The following JAKMIP1 variants were observed in gnomAD, a reference collection of about 807,000 sequenced individuals.
JAKMIP1 encodes the protein janus kinase and microtubule interacting protein 1.
In JAKMIP1, 33 loss-of-function variants were observed where a neutral mutation model predicts 113.0. The observed-to-expected ratio is 0.29, with a 90% confidence interval of 0.22 to 0.39. JAKMIP1 has a LOEUF of 0.39. Ranked by LOEUF, JAKMIP1 falls within the 10% of genes least tolerant of loss-of-function variation. The probability of loss-of-function intolerance (pLI) is 1.00; values close to 1 mark genes in which losing one functional copy is unlikely to be tolerated. For missense variants in JAKMIP1, 813 were observed against 1,080.5 expected (o/e 0.75, Z 3.47); for synonymous variants, 480 against 459.9 (o/e 1.04, Z -0.56).
chr4:6,147,654 C>G (rs1319808412), intron 1 of JAKMIP1, among the ~76,000 whole-genome samples: 1 of 152,008 alleles, frequency 6.6e-6, no homozygotes, highest in East Asian at 1.9e-4. Context: ...CCTCTGAACA[C>G]TCACTCTCCC....
In JAKMIP1 at chr4:6,042,882, G is replaced by T. The variant is rs972401580; in HGVS notation, c.2029-655C>A. On this transcript the variant is annotated intron_variant, in intron 16 of 20. Coordinates refer to ENST00000409021, the MANE Select transcript of JAKMIP1 (RefSeq NM_001099433.2). The surrounding 1 kb of genome is among the most constrained non-coding windows in gnomAD (Gnocchi z 5.2). Reference sequence around the variant, plus strand: ...TGCCAGGACATGAGGGCGCAGGCACGGAGAGTACGGGGTGAACAGGCGGGG... The same window carrying T: ...TGCCAGGACATGAGGGCGCAGGCACTGAGAGTACGGGGTGAACAGGCGGGG... 6.6e-6 allele frequency among the ~76,000 whole-genome samples: 1 copy of T among 152,166 alleles called. No homozygotes were observed. Among genetic ancestry groups the T allele is most frequent in the East Asian group, 1.9e-4 (1 of 5,144 alleles).
At position 6,178,161 on chromosome 4, in the gene JAKMIP1, T is replaced by C. The variant is rs1725589413; in HGVS notation, c.-148+22092A>G. Among the ~76,000 whole-genome samples, 1 of 152,236 alleles carries C rather than the reference T, an allele frequency of 6.6e-6. No individual in the cohort carries two copies. Among genetic ancestry groups the C allele is most frequent in the African/African-American group, 2.4e-5 (1 of 41,462 alleles). Reference sequence around the variant, plus strand: ...GAAACAGAAGCCCAAGGCTTTGATATATTTAGCTTTGTCCCCCATGGGTAT... The same window carrying C: ...GAAACAGAAGCCCAAGGCTTTGATACATTTAGCTTTGTCCCCCATGGGTAT... On this transcript the variant is annotated intron_variant, in intron 1 of 20. Coordinates refer to ENST00000409021, the MANE Select transcript of JAKMIP1 (RefSeq NM_001099433.2). The surrounding 1 kb of genome is among the most constrained non-coding windows in gnomAD (Gnocchi z 5.5).
chr4:6,049,568 G>T lies in JAKMIP1; in HGVS notation c.1962+251C>A, dbSNP rs1223228828. ...TCGTGTGACTCCACCTGCATTCTGG[G>T]TAGGGATTCTGAGGCTTTCCCGTCC... On this transcript the variant is annotated intron_variant, in intron 15 of 20. Transcript: ENST00000409021. The surrounding 1 kb of genome is among the most constrained non-coding windows in gnomAD (Gnocchi z 7.0). Among the ~76,000 whole-genome samples the T allele has an allele frequency of 6.6e-6, 1 of 151,824 alleles. No individual in the cohort carries two copies. Among genetic ancestry groups the T allele is most frequent in the African/African-American group, 2.4e-5 (1 of 41,290 alleles).
chr4:6,108,439 G>A lies in JAKMIP1; in HGVS notation c.130-2472C>T, dbSNP rs1324356144. Among the ~76,000 whole-genome samples the A allele has an allele frequency of 1.3e-5, 2 of 152,214 alleles. No homozygotes were observed. Among genetic ancestry groups the A allele is most frequent in the East Asian group, 1.9e-4 (1 of 5,190 alleles). ...CACGGCACAAAGGCCAAGAGAGGGA[G>A]CATGCCCTGGGGGTGTGGGGGCTGG... On this transcript the variant is annotated intron_variant, in intron 2 of 20. Coordinates refer to ENST00000409021, the MANE Select transcript of JAKMIP1 (RefSeq NM_001099433.2). This position sits in a 1 kb window ranked among gnomAD's most constrained non-coding sequence, Gnocchi z 5.6.
intron 1 of JAKMIP1, among the ~76,000 whole-genome samples, chr4:6,163,858 A>T (rs1235274351): frequency 6.6e-6 from 1 of 152,258 alleles, no homozygotes; most frequent in Non-Finnish European, 1.5e-5. Flanking sequence ...CTTAAGCCAA[A>T]GCCTAATTCA....
Position 6,078,920 on chromosome 4 carries a change from T to G in JAKMIP1, c.1302+19A>C, listed in dbSNP as rs774450151. The G allele has an allele frequency of 6.2e-7, 1 of 1,613,960 alleles. No individual in the cohort carries two copies. Among genetic ancestry groups the G allele is most frequent in the Middle Eastern group, 1.6e-4 (1 of 6,062 alleles). ...TGACACAGCGGCAAGGTAGGGCAGG[T>G]GCACCATCGCAGGCTCACCTTGGGC... On this transcript the variant is annotated intron_variant, in intron 8 of 20. Transcript: ENST00000409021.
intron 2 of JAKMIP1, among the ~76,000 whole-genome samples, chr4:6,111,947 A>T (rs1022452719): frequency 1.3e-5 from 2 of 152,234 alleles, no homozygotes; most frequent in Admixed American, 1.3e-4. Context: ...CCTCCTGACC[A>T]TCTGAACGGA....
chr4:6,125,645 A>G (rs1451053131), intron 1 of JAKMIP1, among the ~76,000 whole-genome samples: 4 of 146,464 alleles, frequency 2.7e-5, no homozygotes, highest in African/African-American at 1.0e-4. Flanking sequence ...CACACCATAC[A>G]CACCATGCAG....
At chr4:6,105,298 T>G (rs907607262) in intron 3 of JAKMIP1, among the ~76,000 whole-genome samples, 175 bp downstream of exon 3, 10 of 152,220 alleles carry the variant, frequency 6.6e-5, no homozygotes, top group African/African-American at 2.4e-4. Context: ...TTTGAGCGGA[T>G]TACCTGCAGC....
At chr4:6,149,254 A>G (rs77609530) in intron 1 of JAKMIP1, among the ~76,000 whole-genome samples, 2,852 of 152,328 alleles carry the variant, frequency 0.019, 57 homozygotes, top group Admixed American at 0.034. Flanking sequence ...ACGCTAATCA[A>G]ATAAAAAATG....
chr4:6,195,592 T>C (rs1727749031), intron 1 of JAKMIP1, among the ~76,000 whole-genome samples: 1 of 152,126 alleles, frequency 6.6e-6, no homozygotes, highest in Non-Finnish European at 1.5e-5. Flanking sequence ...TCCTGTCCCC[T>C]CCCCCACAAA....
At position 6,081,518 on chromosome 4, in the gene JAKMIP1, C is replaced by T; in HGVS notation, c.1101+91G>A. The T allele has an allele frequency of 6.7e-7, 1 of 1,491,648 alleles. No individual in the cohort carries two copies. The highest frequency in any genetic ancestry group is 9.2e-7 in the Non-Finnish European group (1 of 1,086,462). The allele number at this position is 1,491,648 out of a possible 1,614,324, so 92.4% of individuals were successfully genotyped here. ...GTGGGGAGGTGGGCAGCAGGTGCGC[C>T]CCAGAACATGTGAATCGGGAGGTTC... On this transcript the variant is annotated intron_variant, in intron 6 of 20. Transcript: ENST00000409021. This position sits in a 1 kb window ranked among gnomAD's most constrained non-coding sequence, Gnocchi z 4.6.
At chr4:6,128,519 C>T (rs943510697) in intron 1 of JAKMIP1, among the ~76,000 whole-genome samples, 2 of 152,064 alleles carry the variant, frequency 1.3e-5, no homozygotes, top group African/African-American at 4.8e-5. Flanking sequence ...AATTTGTCCC[C>T]ACAACAGGAG....
Position 6,167,133 on chromosome 4 carries a change from T to C in JAKMIP1, c.-148+33120A>G, listed in dbSNP as rs558478393. ...ATTAAAATTCTTGAAATCCATCGTCTTCCCCTAGACCTGCTCCTCCTTCCA... is the reference window on the plus strand; with the variant it reads ...ATTAAAATTCTTGAAATCCATCGTCCTCCCCTAGACCTGCTCCTCCTTCCA... On this transcript the variant is annotated intron_variant, in intron 1 of 20. Coordinates refer to ENST00000409021, the MANE Select transcript of JAKMIP1 (RefSeq NM_001099433.2). This position sits in a 1 kb window ranked among gnomAD's most constrained non-coding sequence, Gnocchi z 5.3. Among the ~76,000 whole-genome samples, 1 of 152,158 alleles carries C rather than the reference T, an allele frequency of 6.6e-6. No individual in the cohort carries two copies. Among genetic ancestry groups the C allele is most frequent in the Non-Finnish European group, 1.5e-5 (1 of 68,014 alleles).
chr4:6,131,600 C>T (rs796316689), intron 1 of JAKMIP1, among the ~76,000 whole-genome samples: 27 of 152,088 alleles, frequency 1.8e-4, no homozygotes, highest in African/African-American at 6.3e-4. Flanking sequence ...CATGGTGGTG[C>T]GTGCCTGTAA....
In JAKMIP1 at chr4:6,051,519, C is replaced by G. The variant is rs1191000604; in HGVS notation, c.1807-840G>C. On this transcript the variant is annotated intron_variant, in intron 13 of 20. Coordinates refer to ENST00000409021, the MANE Select transcript of JAKMIP1 (RefSeq NM_001099433.2). This position sits in a 1 kb window ranked among gnomAD's most constrained non-coding sequence, Gnocchi z 5.0. ...CCTCCCAAAGTGCTGGGATTACAGG[C>G]GTAAGCCACCTCGCCCGGCCCCAAA... Among the ~76,000 whole-genome samples, 2 of 151,912 alleles carry G rather than the reference C, an allele frequency of 1.3e-5. No homozygotes were observed. Among genetic ancestry groups the G allele is most frequent in the African/African-American group, 4.8e-5 (2 of 41,350 alleles).
intron 20 of JAKMIP1, 62 bp from the exon 21 acceptor site, chr4:6,026,340 A>G (rs1711795355): frequency 1.2e-6 from 1 of 852,492 alleles, no homozygotes; most frequent in Non-Finnish European, 1.9e-6. Flanking sequence ...AAACAGATGT[A>G]AGATATGTAG....
intron 1 of JAKMIP1, among the ~76,000 whole-genome samples, chr4:6,170,964 CCCA>C (rs1021721885): frequency 1.4e-4 from 20 of 146,670 alleles, no homozygotes; most frequent in African/African-American, 4.2e-4. Context: ...ATCACCATAA[CCCA>C]CCATCACTGA....
At position 6,156,756 on chromosome 4, in the gene JAKMIP1, C is replaced by T. The variant is rs145144657; in HGVS notation, c.-148+43497G>A. 1.1e-4 allele frequency among the ~76,000 whole-genome samples: 16 copies of T among 152,370 alleles called. No individual in the cohort carries two copies. The East Asian group carries it at 3.1e-3, about 29-fold the overall frequency. On this transcript the variant is annotated intron_variant, in intron 1 of 20. Transcript: ENST00000409021. This position sits in a 1 kb window ranked among gnomAD's most constrained non-coding sequence, Gnocchi z 5.0. Reference sequence around the variant, plus strand: ...TCAGTTCTGGGCTAGACCTTGGTTACATCCCAGCTCCACTGTCCCCAGATG... The same window carrying T: ...TCAGTTCTGGGCTAGACCTTGGTTATATCCCAGCTCCACTGTCCCCAGATG...
Sources: allele counts gnomAD v4.1 joint callset (sites outside exome capture counted in the v4.1 genomes callset), GRCh38; gene constraint gnomAD v4.1.1; non-coding constraint Gnocchi (gnomAD v3.1); transcripts MANE v1.5; gene names NCBI Gene and HGNC (gene_info 2026-07-23, HGNC 2026-07-21).